SMIM5: variants seen among roughly 807,000 people sequenced by gnomAD.
The protein encoded by SMIM5 is chromosome 17 open reading frame 109.
Under a neutral mutation model 4.0 loss-of-function variants are expected in SMIM5, and 4 were observed. The ratio of observed to expected loss-of-function variants is 1.01; its 90% confidence interval spans 0.50 to 2.30. The LOEUF (loss-of-function observed/expected upper bound fraction) is 2.30. Ranked by LOEUF, SMIM5 falls within the 30% of genes most tolerant of loss-of-function variation. SMIM5 has a pLI of 0.02. For missense variants in SMIM5, 107 were observed against 99.2 expected, an observed-to-expected ratio of 1.08 and a Z score of -0.34; for synonymous variants, 46 against 43.6, an observed-to-expected ratio of 1.05 and a Z score of -0.22.
Position 75,640,864 on chromosome 17 carries a change from C to T in SMIM5, c.201C>T (p.Gly67=). 1 of 1,547,750 alleles carries T rather than the reference C, an allele frequency of 6.5e-7. No individual in the cohort carries two copies. Among genetic ancestry groups the T allele is most frequent in the Non-Finnish European group, 8.7e-7 (1 of 1,146,970 alleles). The change falls in exon 3 of 3, where the codon GGC becomes GGT. Residue 67 remains glycine, a synonymous_variant. Coordinates refer to ENST00000375215, the MANE Select transcript of SMIM5 (RefSeq NM_001162995.3). This position sits in a 1 kb window ranked among gnomAD's most constrained non-coding sequence, Gnocchi z 4.6. ...ACTGCTGCTGCCCTGAGCGGAGAGG[C>T]AGGAAGGTCCAGGTGCAGCCGACAC... ...CTHCCCPERR[G]RKVQVQPTPP
rs994146587 is a variant in SMIM5 at position 75,633,948 on chromosome 17, C to A, written c.-291C>A. ...CGCTCTCAGGGCAGAGGTGAGGCACCGGGACATGAAGTTGGAGGACAAGTT... is the reference window on the plus strand; with the variant it reads ...CGCTCTCAGGGCAGAGGTGAGGCACAGGGACATGAAGTTGGAGGACAAGTT... On this transcript the variant is annotated 5_prime_UTR_variant, in exon 1 of 3. Transcript: ENST00000375215. 3.0e-6 allele frequency: 3 copies of A among 985,574 alleles called. No homozygotes were observed. Among genetic ancestry groups the A allele is most frequent in the Non-Finnish European group, 3.6e-6 (3 of 830,070 alleles). The allele number at this position is 985,574 out of a possible 1,614,324, so 61.1% of individuals were successfully genotyped here. A position where few individuals can be genotyped will look rare whatever the true frequency, so the allele number is the denominator to read the frequency against.
In SMIM5 at chr17:75,633,822, T is replaced by C. The variant is rs1255461974; in HGVS notation, c.-417T>C. The C allele has an allele frequency of 2.3e-5, 23 of 1,005,082 alleles. No homozygotes were observed. The highest frequency in any genetic ancestry group is 2.7e-5 in the Non-Finnish European group (23 of 840,558). The allele number at this position is 1,005,082 out of a possible 1,614,324, so 62.3% of individuals were successfully genotyped here. A position where few individuals can be genotyped will look rare whatever the true frequency, so the allele number is the denominator to read the frequency against. ...GGAAGGCAGAGAGCCGACTTCTTTC[T>C]TCAGCTCCCAACCCAGGCCCAGCCC... On this transcript the variant is annotated 5_prime_UTR_variant, in exon 1 of 3. Transcript: ENST00000375215.
chr17:75,634,019 C>T lies in SMIM5; in HGVS notation c.-220C>T. ...GCTCCCCCTCGCGACGGTAATTTGA[C>T]ACTTGGATCTCCAGGACGACCAACA... On this transcript the variant is annotated 5_prime_UTR_variant, in exon 1 of 3. Transcript: ENST00000375215. 1.0e-6 allele frequency: 1 copy of T among 985,592 alleles called. No individual in the cohort carries two copies. The allele number at this position is 985,592 out of a possible 1,614,324, so 61.1% of individuals were successfully genotyped here.
Position 75,634,013 on chromosome 17 carries a change from A to G in SMIM5, c.-226A>G. The stretch of plus-strand genomic sequence containing the variant: ...CCTCGGGCTCCCCCTCGCGACGGTA[A>G]TTTGACACTTGGATCTCCAGGACGA... On this transcript the variant is annotated 5_prime_UTR_variant, in exon 1 of 3. The change abolishes the stop of an existing upstream ORF in the 5' untranslated region. Coordinates refer to ENST00000375215, the MANE Select transcript of SMIM5 (RefSeq NM_001162995.3). The G allele has an allele frequency of 1.0e-6, 1 of 985,578 alleles. No homozygotes were observed. Among genetic ancestry groups the G allele is most frequent in the Non-Finnish European group, 1.2e-6 (1 of 830,028 alleles). 61.1% of individuals were successfully genotyped at this position (985,578 alleles called of 1,614,324 possible).
chr17:75,634,365 C>T (rs918773275), intron 1 of SMIM5, 163 bp downstream of exon 1: 35 of 541,048 alleles, frequency 6.5e-5, no homozygotes, highest in Non-Finnish European at 8.3e-5. Flanking sequence ...CTGCACACAC[C>T]TGCACTCTCC....
At position 75,640,133 on chromosome 17, in the gene SMIM5, T is replaced by G. The variant is rs927326497; in HGVS notation, c.-36-33T>G. On this transcript the variant is annotated intron_variant, in intron 1 of 2. Coordinates refer to ENST00000375215, the MANE Select transcript of SMIM5 (RefSeq NM_001162995.3). This position sits in a 1 kb window ranked among gnomAD's most constrained non-coding sequence, Gnocchi z 4.6. ...GCTGCGACGAGTGTGGGGCCAGCCGTGGAGGCTCCAGGTGTTCTCTCTGCC... is the reference window on the plus strand; with the variant it reads ...GCTGCGACGAGTGTGGGGCCAGCCGGGGAGGCTCCAGGTGTTCTCTCTGCC... 238 of 1,468,594 alleles carry G rather than the reference T, an allele frequency of 1.6e-4. No individual in the cohort carries two copies. The highest frequency in any genetic ancestry group is 2.0e-4 in the Non-Finnish European group (224 of 1,113,212). The allele number at this position is 1,468,594 out of a possible 1,614,324, so 91.0% of individuals were successfully genotyped here.
At chr17:75,634,330 C>T in intron 1 of SMIM5, 128 bp downstream of exon 1, 6 of 908,482 alleles carry the variant, frequency 6.6e-6, no homozygotes, top group Non-Finnish European at 7.9e-6. Flanking sequence ...TGGGTCGCTT[C>T]CCTGCAGGGA....
chr17:75,635,392 G>A (rs527528102), intron 1 of SMIM5, among the ~76,000 whole-genome samples: 4 of 152,302 alleles, frequency 2.6e-5, no homozygotes, highest in Admixed American at 2.6e-4. Context: ...AGTGGACAGG[G>A]TCTCTCCAAC....
rs1168206899 is a variant in SMIM5 at position 75,636,068 on chromosome 17, AC to A, written c.-37+1869del. 6.6e-6 allele frequency among the ~76,000 whole-genome samples: 1 copy of A among 152,128 alleles called. No individual in the cohort carries two copies. Among genetic ancestry groups the A allele is most frequent in the Non-Finnish European group, 1.5e-5 (1 of 68,022 alleles). On this transcript the variant is annotated intron_variant, in intron 1 of 2. Transcript: ENST00000375215. The surrounding 1 kb of genome is among the most constrained non-coding windows in gnomAD (Gnocchi z 5.4). Reference sequence around the variant, plus strand: ...CTGACCGCTACTGCAGCCAGGGCACACCCTCTGAAGGCTCCAAGCAGGGCTG... The same window carrying A: ...CTGACCGCTACTGCAGCCAGGGCACACCTCTGAAGGCTCCAAGCAGGGCTG...
rs1163845291 is a variant in SMIM5 at position 75,640,818 on chromosome 17, C to A, written c.155C>A (p.Ala52Asp). 6.5e-7 allele frequency: 1 copy of A among 1,550,082 alleles called. No homozygotes were observed. ...TATVLLLLLI[A>D]CSCCCTHCCC... ...ACTGTTCTGCTGTTGCTGCTGATAG[C>A]CTGCAGCTGCTGCTGCACTCACTGC... Residue 52 changes from alanine to aspartate, a missense_variant, in exon 3 of 3, where the codon GCC becomes GAC. By Grantham distance (126) the Ala-to-Asp change is moderately radical (BLOSUM62 -2). Coordinates refer to ENST00000375215, the MANE Select transcript of SMIM5 (RefSeq NM_001162995.3). The surrounding 1 kb of genome is among the most constrained non-coding windows in gnomAD (Gnocchi z 4.6).
In SMIM5 at chr17:75,636,024, C is replaced by T. The variant is rs957482862; in HGVS notation, c.-37+1822C>T. On this transcript the variant is annotated intron_variant, in intron 1 of 2. Transcript: ENST00000375215. This position sits in a 1 kb window ranked among gnomAD's most constrained non-coding sequence, Gnocchi z 5.4. ...CTCCGGCTCTGCCAGCCTTCTCTGCCCTGAGTGTTTCCCCTGTGCTGACCG... is the reference window on the plus strand; with the variant it reads ...CTCCGGCTCTGCCAGCCTTCTCTGCTCTGAGTGTTTCCCCTGTGCTGACCG... Among the ~76,000 whole-genome samples, 2 of 152,216 alleles carry T rather than the reference C, an allele frequency of 1.3e-5. No homozygotes were observed. Among genetic ancestry groups the T allele is most frequent in the South Asian group, 2.1e-4 (1 of 4,838 alleles).
chr17:75,634,253 G>C, intron 1 of SMIM5, 51 bp downstream of exon 1: 1 of 985,510 alleles, frequency 1.0e-6, no homozygotes, highest in Non-Finnish European at 1.2e-6. Context: ...GAGCAGCAAG[G>C]GTCCCCTGCC....
In SMIM5 at chr17:75,633,876, G is replaced by T. The variant is rs1227439483; in HGVS notation, c.-363G>T. Reference sequence around the variant, plus strand: ...GCGTGGGAGTCGGGGAGAGGGAGAGGAGGAGGAAGGAGGAGGAGAGAGGGA... The same window carrying T: ...GCGTGGGAGTCGGGGAGAGGGAGAGTAGGAGGAAGGAGGAGGAGAGAGGGA... On this transcript the variant is annotated 5_prime_UTR_variant, in exon 1 of 3. The change creates a premature stop within an existing upstream ORF in the 5' untranslated region. Transcript: ENST00000375215. 1 of 993,182 alleles carries T rather than the reference G, an allele frequency of 1.0e-6. No homozygotes were observed. The highest frequency in any genetic ancestry group is 1.2e-6 in the Non-Finnish European group (1 of 834,040). The allele number at this position is 993,182 out of a possible 1,614,324, so 61.5% of individuals were successfully genotyped here. A position where few individuals can be genotyped will look rare whatever the true frequency, so the allele number is the denominator to read the frequency against.
Position 75,633,859 on chromosome 17 carries a change from G to A in SMIM5, c.-380G>A. 1.0e-6 allele frequency: 1 copy of A among 996,190 alleles called. No homozygotes were observed. Among genetic ancestry groups the A allele is most frequent in the Non-Finnish European group, 1.2e-6 (1 of 835,582 alleles). The allele number at this position is 996,190 out of a possible 1,614,324, so 61.7% of individuals were successfully genotyped here. On this transcript the variant is annotated 5_prime_UTR_variant, in exon 1 of 3. Coordinates refer to ENST00000375215, the MANE Select transcript of SMIM5 (RefSeq NM_001162995.3). The stretch of plus-strand genomic sequence containing the variant: ...CCCAGGCCCAGCCCACGGCGTGGGA[G>A]TCGGGGAGAGGGAGAGGAGGAGGAA...
Position 75,640,205 on chromosome 17 carries a change from G to A in SMIM5, c.4G>A (p.Ala2Thr). The change falls in exon 2 of 3, where the codon GCT becomes ACT. Residue 2 changes from alanine (A) to threonine (T), a missense_variant. By Grantham distance (58) the Ala-to-Thr change is moderately conservative. Coordinates refer to ENST00000375215, the MANE Select transcript of SMIM5 (RefSeq NM_001162995.3). The surrounding 1 kb of genome is among the most constrained non-coding windows in gnomAD (Gnocchi z 4.6). M[A>T]ATDFVQEMRA... is the part of the protein sequence containing the mutation. ...CCCAACAGGAAGCCAGCGCGGCATG[G>A]CTGCCACCGACTTCGTGCAGGAGAT... 1 of 1,547,494 alleles carries A rather than the reference G, an allele frequency of 6.5e-7. No individual in the cohort carries two copies.
chr17:75,641,027 GGTA>G lies in SMIM5; in HGVS notation c.*131_*133del. On this transcript the variant is annotated 3_prime_UTR_variant, in exon 3 of 3. Transcript: ENST00000375215. ...CTGGCCCCAGCTCTGGCCCAGCCCA[GGTA>G]CCTGGACACTGACAACTTGAGCCCT... is the stretch of plus-strand genomic sequence containing the variant. The G allele has an allele frequency of 6.9e-7, 1 of 1,445,872 alleles. No individual in the cohort carries two copies. The highest frequency in any genetic ancestry group is 9.2e-7 in the Non-Finnish European group (1 of 1,091,356). 89.6% of individuals were successfully genotyped at this position (1,445,872 alleles called of 1,614,324 possible). A position where few individuals can be genotyped will look rare whatever the true frequency, so the allele number is the denominator to read the frequency against.
chr17:75,634,356 T>C, intron 1 of SMIM5, 154 bp downstream of exon 1: 2 of 554,468 alleles, frequency 3.6e-6, no homozygotes, highest in South Asian at 1.6e-4. Flanking sequence ...GCCAGCCTCC[T>C]GCACACACCT....
chr17:75,635,856 C>T (rs1050420425), intron 1 of SMIM5: 41 of 985,350 alleles, frequency 4.2e-5, no homozygotes, highest in Non-Finnish European at 4.6e-5. Context: ...CCTCGTGAGG[C>T]GCCTGGGGTT....
In SMIM5 at chr17:75,633,461, C is replaced by T. The variant is rs1568262601; in HGVS notation, c.-778C>T. The T allele has an allele frequency of 5.4e-6, 7 of 1,289,164 alleles. No homozygotes were observed. The South Asian group carries it at 6.2e-5, about 11-fold the overall frequency. 79.9% of individuals were successfully genotyped at this position (1,289,164 alleles called of 1,614,324 possible). A position where few individuals can be genotyped will look rare whatever the true frequency, so the allele number is the denominator to read the frequency against. On this transcript the variant is annotated 5_prime_UTR_variant, in exon 1 of 3. Coordinates refer to ENST00000375215, the MANE Select transcript of SMIM5 (RefSeq NM_001162995.3). ...CAGCCCCAGCAGAAGGCCCTCACCT[C>T]ACAAGGAACATGAGGCGCCTTGCCG...
Sources: allele counts gnomAD v4.1 joint callset (sites outside exome capture counted in the v4.1 genomes callset), GRCh38; gene constraint gnomAD v4.1.1; non-coding constraint Gnocchi (gnomAD v3.1); transcripts MANE v1.5; gene names NCBI Gene and HGNC (gene_info 2026-07-23, HGNC 2026-07-21).